Variants in SORCS2 observed in about 807,000 individuals in gnomAD.
SORCS2 encodes VPS10 domain-containing receptor SorCS2.
SORCS2 carries 100 observed loss-of-function variants against 141.6 expected under a neutral mutation model. The observed-to-expected ratio is 0.71, with a 90% confidence interval of 0.60 to 0.83. SORCS2 has a LOEUF of 0.83. Ranked by LOEUF, SORCS2 falls within the 40% of genes least tolerant of loss-of-function variation. The probability of loss-of-function intolerance (pLI) is 0.00; values close to 1 mark genes in which losing one functional copy is unlikely to be tolerated. For missense variants in SORCS2, 1,646 were observed against 1,560.2 expected (o/e 1.05, Z -0.93); for synonymous variants, 789 against 676.9 (o/e 1.17, Z -2.57).
At chr4:7,483,677 C>T (rs1730796192) in intron 2 of SORCS2, among the ~76,000 whole-genome samples, 1 of 152,006 alleles carries the variant, frequency 6.6e-6, no homozygotes, top group Non-Finnish European at 1.5e-5. Flanking sequence ...CTTACAACGT[C>T]CTGGGAGGGA....
chr4:7,414,099 G>A (rs188588876), intron 2 of SORCS2, among the ~76,000 whole-genome samples: 71 of 152,330 alleles, frequency 4.7e-4, no homozygotes, highest in African/African-American at 1.7e-3. Context: ...TCGACAAGGC[G>A]AGACAAGGAT....
At chr4:7,402,605 G>A (rs767659797) in intron 2 of SORCS2, among the ~76,000 whole-genome samples, 19 of 152,146 alleles carry the variant, frequency 1.2e-4, no homozygotes, top group East Asian at 3.9e-4. Context: ...GGGCTGCAGC[G>A]AGCACCTGTG....
chr4:7,513,425 AG>A (rs1732785268), intron 2 of SORCS2, among the ~76,000 whole-genome samples: 1 of 152,206 alleles, frequency 6.6e-6, no homozygotes, highest in African/African-American at 2.4e-5. Context: ...AGGGCTTGGC[AG>A]GGCCTGGAGT....
At chr4:7,514,796 G>A (rs900290936) in intron 2 of SORCS2, among the ~76,000 whole-genome samples, 8 of 152,166 alleles carry the variant, frequency 5.3e-5, no homozygotes, top group African/African-American at 1.9e-4. Flanking sequence ...CCATGTGGCT[G>A]ACCTTGATCT....
intron 2 of SORCS2, among the ~76,000 whole-genome samples, chr4:7,463,333 G>A (rs998279198): frequency 1.3e-5 from 2 of 152,188 alleles, no homozygotes; most frequent in Admixed American, 6.5e-5. Context: ...TAGTCCAGCT[G>A]TGTGACCTTG....
chr4:7,594,868 TTGA>T (rs1717153630), intron 3 of SORCS2, among the ~76,000 whole-genome samples: 1 of 152,170 alleles, frequency 6.6e-6, no homozygotes, highest in Non-Finnish European at 1.5e-5. Flanking sequence ...AGCAAATCCA[TTGA>T]TTGGCTCTGA....
At chr4:7,604,264 C>T (rs1227276709) in intron 3 of SORCS2, among the ~76,000 whole-genome samples, 2 of 152,308 alleles carry the variant, frequency 1.3e-5, no homozygotes, top group East Asian at 3.9e-4. Context: ...TGGTTTCCCC[C>T]ATGCTGTTCT....
intron 1 of SORCS2, among the ~76,000 whole-genome samples, chr4:7,329,954 A>G (rs1253628844): frequency 1.3e-5 from 2 of 152,056 alleles, no homozygotes; most frequent in East Asian, 3.9e-4. Context: ...ACACTTTGAG[A>G]GGTCAGAAGT....
At chr4:7,610,457 C>T (rs533739518) in intron 3 of SORCS2, among the ~76,000 whole-genome samples, 10 of 152,278 alleles carry the variant, frequency 6.6e-5, no homozygotes, top group Non-Finnish European at 1.0e-4. Flanking sequence ...GAGCTCTGCA[C>T]GAGGCCCCCC....
intron 1 of SORCS2, among the ~76,000 whole-genome samples, chr4:7,249,968 G>A (rs368539134): frequency 6.6e-6 from 1 of 152,176 alleles, no homozygotes; most frequent in East Asian, 1.9e-4. Flanking sequence ...TAGGCTGGAC[G>A]CGGTGGCTCG....
intron 2 of SORCS2, among the ~76,000 whole-genome samples, chr4:7,488,299 G>A (rs895628650): frequency 1.3e-5 from 2 of 152,196 alleles, no homozygotes; most frequent in African/African-American, 2.4e-5. Context: ...TTCAGAAAGC[G>A]GCCGCAGTTG....
intron 12 of SORCS2, among the ~76,000 whole-genome samples, chr4:7,700,859 C>T (rs1207856212): frequency 4.6e-5 from 7 of 152,228 alleles, no homozygotes; most frequent in Admixed American, 3.9e-4. Context: ...GGCAAGATGT[C>T]CACAGACAGA....
intron 3 of SORCS2, among the ~76,000 whole-genome samples, chr4:7,559,254 T>C (rs1714357462): frequency 6.6e-6 from 1 of 152,080 alleles, no homozygotes; most frequent in Non-Finnish European, 1.5e-5. Flanking sequence ...GGCTTTTTGT[T>C]TGGGACCCTG....
chr4:7,583,040 T>C (rs10012347), intron 3 of SORCS2, among the ~76,000 whole-genome samples: 71,133 of 152,022 alleles, frequency 0.47, 17,800 homozygotes, highest in Non-Finnish European at 0.57. Context: ...TGGGTCAGCA[T>C]TCCTTAGGAC....
intron 1 of SORCS2, among the ~76,000 whole-genome samples, chr4:7,276,147 C>T (rs1214009139): frequency 3.9e-5 from 6 of 152,206 alleles, no homozygotes; most frequent in Non-Finnish European, 8.8e-5. Flanking sequence ...CCGCTCATAG[C>T]CTCCGTGGCT....
At chr4:7,671,535 A>T (rs1171565969) in intron 8 of SORCS2, among the ~76,000 whole-genome samples, 2 of 152,182 alleles carry the variant, frequency 1.3e-5, no homozygotes. Context: ...AGGAACCAAA[A>T]GAAATTCTGG....
intron 3 of SORCS2, among the ~76,000 whole-genome samples, chr4:7,596,459 A>T (rs1717284817): frequency 6.6e-6 from 1 of 152,116 alleles, no homozygotes; most frequent in African/African-American, 2.4e-5. Context: ...CCATTTTTTG[A>T]CTCAGGGAAA....
chr4:7,625,096 T>A (rs573586831), intron 3 of SORCS2, among the ~76,000 whole-genome samples: 49 of 152,398 alleles, frequency 3.2e-4, no homozygotes, highest in African/African-American at 1.2e-3. Context: ...AAGGTTTGCC[T>A]TGCCATTAAA....
chr4:7,694,973 C>T (rs1047225592), intron 11 of SORCS2, among the ~76,000 whole-genome samples: 3 of 151,114 alleles, frequency 2.0e-5, no homozygotes, highest in Admixed American at 1.3e-4. Context: ...ACAGGTCCAC[C>T]GTCCTGGCTC....
Sources: gnomAD v4.1 joint callset for allele counts (sites outside exome capture counted in the v4.1 genomes callset) on GRCh38, gnomAD v4.1.1 for gene constraint, MANE v1.5 for transcripts, NCBI Gene and HGNC (gene_info 2026-07-23, HGNC 2026-07-21) for gene names.